The following LPA variants were observed in gnomAD, a reference collection of about 807,000 sequenced individuals.
The protein encoded by LPA is lipoprotein(a).
In LPA, 199 loss-of-function variants were observed where a neutral mutation model predicts 197.9. The ratio of observed to expected loss-of-function variants is 1.01; its 90% CI spans 0.90 to 1.13. The LOEUF is 1.13. Among genes scored for constraint, LPA ranks in the 50% most tolerant of loss-of-function variants. LPA has a pLI of 0.00. For missense variants in LPA, 1,853 were observed against 1,785.8 expected (o/e 1.04, Z -0.68); for synonymous variants, 715 against 639.5 (o/e 1.12, Z -1.78).
At chr6:160,540,721 C>T (rs1777967952) in intron 35 of LPA, among the ~76,000 whole-genome samples, 1 of 152,180 alleles carries the variant, frequency 6.6e-6, no homozygotes, top group Non-Finnish European at 1.5e-5. Flanking sequence ...TCCTGTAAAG[C>T]CTGCAGAAAC....
At chr6:160,604,996 GA>G (rs2115059098) in intron 18 of LPA, 49 bp downstream of exon 18, 1 of 1,610,354 alleles carries the variant, frequency 6.2e-7, no homozygotes, top group East Asian at 2.2e-5. Context: ...TCTACTAACA[GA>G]AATTTCCACT....
At position 160,531,566 on chromosome 6, in the gene LPA, A is replaced by T. The variant is rs1344424997; in HGVS notation, c.*163T>A. The T allele has an allele frequency of 1.2e-6, 1 of 844,642 alleles. No homozygotes were observed. The highest frequency in any genetic ancestry group is 1.9e-6 in the Non-Finnish European group (1 of 516,578). 52.3% of individuals were successfully genotyped at this position (844,642 alleles called of 1,614,324 possible). Reference sequence around the variant, plus strand: ...ATACAGAATTTGTCAGTCAGACCTTAAAAGCTTATACACAAAAATACCAAA... The same window carrying T: ...ATACAGAATTTGTCAGTCAGACCTTTAAAGCTTATACACAAAAATACCAAA... On this transcript the variant is annotated 3_prime_UTR_variant, in exon 39 of 39. Coordinates refer to ENST00000316300, the MANE Select transcript of LPA (RefSeq NM_005577.4).
intron 36 of LPA, 139 bp downstream of exon 36, chr6:160,539,904 G>A: frequency 8.8e-7 from 1 of 1,136,844 alleles, no homozygotes. Flanking sequence ...GAAGATTGAT[G>A]CTGTCCCCAA....
At chr6:160,562,492 A>G (rs1778379417) in intron 28 of LPA, among the ~76,000 whole-genome samples, 1 of 152,056 alleles carries the variant, frequency 6.6e-6, no homozygotes. Context: ...GAGGATTTTC[A>G]CATTGATGTT....
intron 28 of LPA, among the ~76,000 whole-genome samples, chr6:160,562,798 G>C (rs572908602): frequency 6.6e-6 from 1 of 152,140 alleles, no homozygotes; most frequent in Non-Finnish European, 1.5e-5. Flanking sequence ...AGTCTTGGGA[G>C]GGTGTATGTG....
chr6:160,583,921 A>T (rs1184714488), intron 26 of LPA, among the ~76,000 whole-genome samples: 3 of 152,178 alleles, frequency 2.0e-5, no homozygotes, highest in Non-Finnish European at 4.4e-5. Flanking sequence ...GCTGTTCAAC[A>T]TGTGCAAACA....
rs73785605 is a variant in LPA, at chr6:160,601,137, T to C, written c.2946-39A>G. On this transcript the variant is annotated intron_variant, in intron 18 of 38. Transcript: ENST00000316300. Reference sequence around the variant, plus strand: ...AAGAATACACATCACAAAAAATGGGTACATATGCAGGAACACTGTATATTT... The same window carrying C: ...AAGAATACACATCACAAAAAATGGGCACATATGCAGGAACACTGTATATTT... The C allele has an allele frequency of 1.3e-3, 2,025 of 1,591,284 alleles. 24 individuals carry two copies. The African/African-American group carries it at 0.023, about 18-fold the overall frequency.
chr6:160,545,566 A>T (rs1778054773), intron 32 of LPA, 33 bp from the exon 33 acceptor site: 1 of 1,254,702 alleles, frequency 8.0e-7, no homozygotes. Flanking sequence ...GCTCCAGCTC[A>T]CGTGGAGCAG....
chr6:160,540,000 T>C, intron 36 of LPA, 43 bp downstream of exon 36: 7 of 1,613,806 alleles, frequency 4.3e-6, no homozygotes, highest in Admixed American at 1.7e-5. Flanking sequence ...ATAAAGCAAA[T>C]ATCTTCACCA....
At chr6:160,599,750 C>G in intron 19 of LPA, 91 bp from the exon 20 acceptor site, 1 of 1,397,784 alleles carries the variant, frequency 7.2e-7, no homozygotes, top group Non-Finnish European at 1.0e-6. Flanking sequence ...AAAAGAGTCA[C>G]TGAGATTTAC....
chr6:160,654,050 AATAT>A (rs1398874064), intron 1 of LPA, among the ~76,000 whole-genome samples: 1 of 8,352 alleles, frequency 1.2e-4, no homozygotes, highest in African/African-American at 4.6e-4. Flanking sequence ...TATAATATAT[AATAT>A]ATTATATATA....
At chr6:160,545,921 C>T (rs1778062577) in intron 32 of LPA, among the ~76,000 whole-genome samples, 1 of 152,120 alleles carries the variant, frequency 6.6e-6, no homozygotes, top group Non-Finnish European at 1.5e-5. Context: ...GCTGTTGATT[C>T]AGAAATGCTT....
intron 26 of LPA, among the ~76,000 whole-genome samples, chr6:160,584,237 T>TTCCTCTTCC (rs1778859041): frequency 1.4e-5 from 1 of 69,422 alleles, no homozygotes; most frequent in African/African-American, 5.2e-5. Flanking sequence ...CTTCTTCTTC[T>TTCCTCTTCC]TCCTCCTCCT....
At chr6:160,609,946 G>A (rs1582884262) in intron 16 of LPA, among the ~76,000 whole-genome samples, 2 of 152,124 alleles carry the variant, frequency 1.3e-5, no homozygotes, top group Admixed American at 6.5e-5. Flanking sequence ...CTTCATTTAA[G>A]ACATACTTTT....
At chr6:160,601,891 G>A (rs969275669) in intron 18 of LPA, among the ~76,000 whole-genome samples, 1 of 152,198 alleles carries the variant, frequency 6.6e-6, no homozygotes, top group African/African-American at 2.4e-5. Context: ...AAGAACAGTG[G>A]CACTCATGGC....
At chr6:160,561,861 TG>T (rs1778368592) in intron 28 of LPA, among the ~76,000 whole-genome samples, 1 of 152,114 alleles carries the variant, frequency 6.6e-6, no homozygotes, top group Admixed American at 6.5e-5. Flanking sequence ...ACTCAGGATT[TG>T]GCTCTGTGTC....
rs898033462 is a variant in LPA, at chr6:160,589,592, G to A, written c.3908C>T (p.Pro1303Leu). The change falls in exon 24 of 39, where the codon CCA becomes CTA. Residue 1303 changes from proline to leucine, a missense_variant. Pro to Leu is a moderately conservative substitution (Grantham distance 98, BLOSUM62 -3). Transcript: ENST00000316300. ...RTCQSWSSMT[P>L]HWHQRTTEYY... is the part of the protein sequence containing the mutation. ...TTCTGTGGTTCTCTGATGCCAGTGTGGTGTCATAGAGGACCAAGACTGACA... is the reference window on the plus strand; with the variant it reads ...TTCTGTGGTTCTCTGATGCCAGTGTAGTGTCATAGAGGACCAAGACTGACA... 2.5e-6 allele frequency: 4 copies of A among 1,613,762 alleles called. No homozygotes were observed. Among genetic ancestry groups the A allele is most frequent in the Admixed American group, 1.7e-5 (1 of 59,992 alleles).
intron 26 of LPA, among the ~76,000 whole-genome samples, chr6:160,579,063 T>C (rs905189556): frequency 6.6e-6 from 1 of 152,162 alleles, no homozygotes; most frequent in African/African-American, 2.4e-5. Context: ...CTTAGATTTT[T>C]TAATGCACAT....
chr6:160,582,699 T>C (rs1481975743), intron 26 of LPA, among the ~76,000 whole-genome samples: 1 of 152,154 alleles, frequency 6.6e-6, no homozygotes, highest in East Asian at 1.9e-4. Context: ...CTATATCTGA[T>C]CCATTGAGCT....
Sources: allele counts gnomAD v4.1 joint callset (sites outside exome capture counted in the v4.1 genomes callset), GRCh38; gene constraint gnomAD v4.1.1; transcripts MANE v1.5; gene names NCBI Gene and HGNC (gene_info 2026-07-23, HGNC 2026-07-21).